NEMF: variants seen among roughly 807,000 people sequenced by gnomAD.
The protein encoded by NEMF is ribosome quality control complex subunit NEMF.
A neutral mutation model predicts 162.2 loss-of-function variants in NEMF; 89 were observed. The ratio of observed to expected loss-of-function variants is 0.55; its 90% CI spans 0.46 to 0.65. The LOEUF (loss-of-function observed/expected upper bound fraction) is 0.65. Among genes scored for constraint, NEMF ranks in the 30% least tolerant of loss-of-function variants. The pLI is 0.00. For synonymous variants in NEMF, 421 were observed against 404.5 expected (o/e 1.04, Z -0.49); for missense variants, 1,133 against 1,261.9 (o/e 0.90, Z 1.55).
At position 49,782,393 on chromosome 14, in the gene NEMF, G is replaced by A; in HGVS notation, c.*2243C>T. 1 of 1,612,606 alleles carries A rather than the reference G, an allele frequency of 6.2e-7. No homozygotes were observed. The highest frequency in any genetic ancestry group is 8.5e-7 in the Non-Finnish European group (1 of 1,178,830). On this transcript the variant is annotated 3_prime_UTR_variant, in exon 33 of 33. Coordinates refer to ENST00000298310, the MANE Select transcript of NEMF (RefSeq NM_004713.6). ...AGGTTATGGCACACAGCTTGTGCCA[G>A]CGATGAAGGAGAAGTAATTGTTTTT...
At chr14:49,832,552 C>T (rs1407696483) in intron 8 of NEMF, among the ~76,000 whole-genome samples, 9 of 151,928 alleles carry the variant, frequency 5.9e-5, no homozygotes, top group African/African-American at 2.2e-4. Context: ...AGGGTGGTGT[C>T]GAACTCTTGG....
At chr14:49,822,933 GA>G (rs1892153661) in intron 16 of NEMF, among the ~76,000 whole-genome samples, 1 of 88,864 alleles carries the variant, frequency 1.1e-5, no homozygotes, top group East Asian at 3.9e-4. Flanking sequence ...TCCCCTTAGA[GA>G]TTTTTTTTTT....
At chr14:49,822,668 TAAAAAAA>T (rs59170500) in intron 16 of NEMF, among the ~76,000 whole-genome samples, 2 of 46,142 alleles carry the variant, frequency 4.3e-5, no homozygotes, top group Non-Finnish European at 7.5e-5. Context: ...AGTCTCTACT[TAAAAAAA>T]AAAAAAAAAA....
intron 6 of NEMF, among the ~76,000 whole-genome samples, chr14:49,835,928 TA>T (rs1892879613): frequency 6.6e-6 from 1 of 152,192 alleles, no homozygotes; most frequent in African/African-American, 2.4e-5. Context: ...GGAATAAATC[TA>T]ACTGAGAGAA....
intron 6 of NEMF, among the ~76,000 whole-genome samples, chr14:49,837,000 C>G (rs947311544): frequency 1.5e-4 from 23 of 152,200 alleles, no homozygotes; most frequent in African/African-American, 5.5e-4. Flanking sequence ...TCAGGCCAGG[C>G]ACGGTGCCTC....
At chr14:49,818,007 C>A (rs1249452621) in intron 16 of NEMF, among the ~76,000 whole-genome samples, 1 of 150,004 alleles carries the variant, frequency 6.7e-6, no homozygotes, top group Non-Finnish European at 1.5e-5. Flanking sequence ...ACAGAGATGT[C>A]AAACAAAACA....
At chr14:49,791,207 T>C (rs143164396) in intron 26 of NEMF, among the ~76,000 whole-genome samples, 2 of 151,676 alleles carry the variant, frequency 1.3e-5, no homozygotes, top group Non-Finnish European at 1.5e-5. Context: ...TGGTGGCGTG[T>C]GCCTGTAGTG....
intron 16 of NEMF, among the ~76,000 whole-genome samples, chr14:49,825,623 C>A (rs1260409815): frequency 2.0e-5 from 3 of 152,158 alleles, no homozygotes; most frequent in Non-Finnish European, 4.4e-5. Context: ...GTAGTCTCAG[C>A]TACTTGGGAG....
chr14:49,842,840 T>C (rs1893282530), intron 4 of NEMF, among the ~76,000 whole-genome samples: 1 of 152,050 alleles, frequency 6.6e-6, no homozygotes, highest in Non-Finnish European at 1.5e-5. Context: ...ATCCCTGTTT[T>C]ACTAAGAGTA....
intron 23 of NEMF, 80 bp downstream of exon 23, chr14:49,800,340 T>G (rs542451109): frequency 9.5e-7 from 1 of 1,052,404 alleles, no homozygotes; most frequent in East Asian, 2.6e-5. Flanking sequence ...GATGTCAATC[T>G]TGGTATTATC....
At chr14:49,845,015 C>A (rs991922093) in intron 4 of NEMF, among the ~76,000 whole-genome samples, 2 of 152,092 alleles carry the variant, frequency 1.3e-5, no homozygotes, top group African/African-American at 4.8e-5. Context: ...GTGATCCACT[C>A]GCCTTGGCCT....
intron 28 of NEMF, among the ~76,000 whole-genome samples, chr14:49,788,588 C>T (rs1255974101): frequency 9.1e-5 from 13 of 142,610 alleles, no homozygotes; most frequent in South Asian, 8.9e-4. Context: ...GATGGAGTCT[C>T]GCTCTGTCGC....
At position 49,825,856 on chromosome 14, in the gene NEMF, A is replaced by G; in HGVS notation, c.1577+11T>C. The stretch of plus-strand genomic sequence containing the variant: ...AACAAAAACTGTATTTGAAAGAGAC[A>G]GAACACTTACCAATATACTTTTCTT... On this transcript the variant is annotated intron_variant, in intron 16 of 32. Transcript: ENST00000298310. The G allele has an allele frequency of 6.6e-7, 1 of 1,511,850 alleles. No homozygotes were observed. Among genetic ancestry groups the G allele is most frequent in the Non-Finnish European group, 9.1e-7 (1 of 1,095,950 alleles). 93.7% of individuals were successfully genotyped at this position (1,511,850 alleles called of 1,614,324 possible). A position where few individuals can be genotyped will look rare whatever the true frequency, so the allele number is the denominator to read the frequency against.
intron 22 of NEMF, 174 bp from the exon 23 acceptor site, chr14:49,800,870 T>G (rs1890922202): frequency 3.4e-6 from 2 of 592,058 alleles, no homozygotes; most frequent in African/African-American, 3.7e-5. Flanking sequence ...ACCTGTATCA[T>G]GAATAGGTTG....
chr14:49,828,689 G>A lies in NEMF; in HGVS notation c.1351C>T (p.Gln451Ter). The A allele has an allele frequency of 6.2e-7, 1 of 1,605,240 alleles. No homozygotes were observed. The highest frequency in any genetic ancestry group is 8.5e-7 in the Non-Finnish European group (1 of 1,177,718). The part of the protein sequence containing the change: ...KKKKQKNKQL[Q>*]KPQKNKPLLV... Reference sequence around the variant, plus strand: ...AAGGGCTTATTTTTCTGAGGCTTCTGCAGCTGTTTATTCTTTTGTTTTTTC... The same window carrying A: ...AAGGGCTTATTTTTCTGAGGCTTCTACAGCTGTTTATTCTTTTGTTTTTTC... Residue 451 changes from glutamine (Q) to a stop codon, truncating the protein, a stop_gained, in exon 14 of 33, where the codon CAG becomes TAG. Transcript: ENST00000298310. LOFTEE classifies it high-confidence loss of function.
chr14:49,803,092 G>T (rs1460242934), intron 20 of NEMF, 145 bp downstream of exon 20: 2 of 626,656 alleles, frequency 3.2e-6, no homozygotes, highest in Non-Finnish European at 5.5e-6. Flanking sequence ...TCACACCAAG[G>T]CAAAAATTTC....
chr14:49,810,820 A>G (rs3126189), intron 18 of NEMF, among the ~76,000 whole-genome samples: 147,679 of 152,266 alleles, frequency 0.97, 71,798 homozygotes, highest in Middle Eastern at 1. Context: ...GCAAAACCTC[A>G]TCTCTACAAA....
chr14:49,826,069 C>G (rs1220104422), intron 15 of NEMF, 114 bp from the exon 16 acceptor site: 3 of 617,608 alleles, frequency 4.9e-6, no homozygotes, highest in Non-Finnish European at 5.7e-6. Flanking sequence ...ACAATCTACA[C>G]ACACACACAC....
chr14:49,806,409 C>T (rs1000166763), intron 18 of NEMF, among the ~76,000 whole-genome samples: 12 of 149,516 alleles, frequency 8.0e-5, no homozygotes, highest in African/African-American at 3.0e-4. Flanking sequence ...TACCAGCGCC[C>T]GCCACCATGC....
Sources: allele counts gnomAD v4.1 joint callset (sites outside exome capture counted in the v4.1 genomes callset), GRCh38; gene constraint gnomAD v4.1.1; transcripts MANE v1.5; gene names NCBI Gene and HGNC (gene_info 2026-07-23, HGNC 2026-07-21).